Variants in MPRIP observed in about 807,000 individuals in gnomAD.
MPRIP encodes the protein myosin phosphatase Rho interacting protein.
In MPRIP, 59 loss-of-function variants were observed where a neutral mutation model predicts 234.9. The ratio of observed to expected loss-of-function variants is 0.25; its 90% confidence interval spans 0.20 to 0.31. The LOEUF is 0.31. Ranked by LOEUF, MPRIP falls within the 10% of genes least tolerant of loss-of-function variation. The probability of loss-of-function intolerance (pLI) is 1.00; values close to 1 mark genes in which losing one functional copy is unlikely to be tolerated. For missense variants in MPRIP, 2,436 were observed against 3,071.0 expected, an observed-to-expected ratio of 0.79 and a Z score of 4.89; for synonymous variants, 1,144 against 1,263.9, an observed-to-expected ratio of 0.91 and a Z score of 2.01.
At chr17:17,177,541 TG>T (rs2046282933) in intron 22 of MPRIP, 129 bp downstream of exon 22, 1 of 1,021,728 alleles carries the variant, frequency 9.8e-7, no homozygotes, top group East Asian at 2.6e-5. Flanking sequence ...GGCATCCCAG[TG>T]GAGCAGGAGC....
intron 12 of MPRIP, among the ~76,000 whole-genome samples, chr17:17,153,578 TACCTTGCACAAGC>T (rs1204954725): frequency 6.6e-6 from 1 of 151,394 alleles, no homozygotes; most frequent in Non-Finnish European, 1.5e-5. Flanking sequence ...CCTCCCCTGC[TACCTTGCACAAGC>T]ACCGAGGACA....
At chr17:17,044,562 A>G (rs1597703173) in intron 1 of MPRIP, among the ~76,000 whole-genome samples, 1 of 152,336 alleles carries the variant, frequency 6.6e-6, no homozygotes, top group East Asian at 1.9e-4. Context: ...AAACCAAAAA[A>G]ACCTGCCACT....
intron 7 of MPRIP, 135 bp from the exon 8 acceptor site, chr17:17,142,492 G>C: frequency 9.7e-7 from 1 of 1,034,892 alleles, no homozygotes; most frequent in Non-Finnish European, 1.4e-6. Flanking sequence ...CTGAGCACGT[G>C]TCTAGACAAC....
intron 3 of MPRIP, among the ~76,000 whole-genome samples, chr17:17,106,946 C>T (rs1048451532): frequency 6.6e-6 from 1 of 152,174 alleles, no homozygotes; most frequent in Non-Finnish European, 1.5e-5. Flanking sequence ...CAGATGCTGG[C>T]CTTCCTGGAA....
chr17:17,134,413 G>T (rs1158924942), intron 5 of MPRIP, among the ~76,000 whole-genome samples: 4 of 152,218 alleles, frequency 2.6e-5, no homozygotes. Flanking sequence ...TGCAGGGACA[G>T]GTCGTCCTGG....
rs972959553 is a variant in MPRIP at position 17,186,551 on chromosome 17, T to C, written c.*1657T>C. On this transcript the variant is annotated 3_prime_UTR_variant, in exon 24 of 24. Transcript: ENST00000651222. ...TTGTTAACAGCAAGAGAAAATTGGG[T>C]TTGTTTAAAAATCTACTTCTCTGAG... 1 of 152,054 alleles carries C rather than the reference T, an allele frequency of 6.6e-6. No individual in the cohort carries two copies. The highest frequency in any genetic ancestry group is 1.5e-5 in the Non-Finnish European group (1 of 68,022). 9.4% of individuals were successfully genotyped at this position (152,054 alleles called of 1,614,324 possible).
rs1021907313 is a variant in MPRIP at position 17,042,785 on chromosome 17, C to T, written c.-64C>T. On this transcript the variant is annotated 5_prime_UTR_variant, in exon 1 of 24. Coordinates refer to ENST00000651222, the MANE Select transcript of MPRIP (RefSeq NM_001364716.4). ...GCGGCCGCGCTGAGCCCCTAGCCCG[C>T]CGGGAGCGCCAGGCCGGCCAGGCCT... 2,251 of 1,024,966 alleles carry T rather than the reference C, an allele frequency of 2.2e-3. 36 individuals are homozygous for T. In the African/African-American group the frequency reaches 0.035, roughly 16 times the overall value. 63.5% of individuals were successfully genotyped at this position (1,024,966 alleles called of 1,614,324 possible).
At chr17:17,044,434 CTT>C (rs1042961901) in intron 1 of MPRIP, among the ~76,000 whole-genome samples, 4 of 152,202 alleles carry the variant, frequency 2.6e-5, no homozygotes, top group African/African-American at 7.2e-5. Flanking sequence ...ACTTCTGTAT[CTT>C]TTAATTTCCT....
At chr17:17,127,281 T>C in intron 4 of MPRIP, among the ~76,000 whole-genome samples, 1 of 152,192 alleles carries the variant, frequency 6.6e-6, no homozygotes, top group Non-Finnish European at 1.5e-5. Flanking sequence ...TCCACGTGTG[T>C]CTCTGTCAGT....
chr17:17,166,872 T>C lies in MPRIP; in HGVS notation c.5281T>C (p.Ser1761Pro). The C allele has an allele frequency of 7.7e-7, 1 of 1,304,144 alleles. No individual in the cohort carries two copies. Among genetic ancestry groups the C allele is most frequent in the South Asian group, 1.2e-5 (1 of 81,030 alleles). The allele number at this position is 1,304,144 out of a possible 1,614,324, so 80.8% of individuals were successfully genotyped here. A position where few individuals can be genotyped will look rare whatever the true frequency, so the allele number is the denominator to read the frequency against. ...AGTCCTGGGCCGAGACTCAGACAGCTCTCAGGAGCCCTTCGATGTGTCTGA... is the reference window on the plus strand; with the variant it reads ...AGTCCTGGGCCGAGACTCAGACAGCCCTCAGGAGCCCTTCGATGTGTCTGA... ...GEVLGRDSDS[S>P]QEPFDVSDQS... is the part of the protein sequence containing the mutation. Residue 1761 changes from serine (S) to proline (P), a missense_variant, in exon 16 of 24, where the codon TCT becomes CCT. Physicochemically the swap from Ser to Pro is moderately conservative, Grantham distance 74. Around this residue, in one of 4 missense-constraint regions of MPRIP, gnomAD observed 1,998 missense variants for 2,520.3 expected, o/e 0.79. Transcript: ENST00000651222. This position sits in a 1 kb window ranked among gnomAD's most constrained non-coding sequence, Gnocchi z 4.4.
At chr17:17,181,329 T>C (rs1281661557) in intron 23 of MPRIP, among the ~76,000 whole-genome samples, 1 of 152,146 alleles carries the variant, frequency 6.6e-6, no homozygotes, top group Non-Finnish European at 1.5e-5. Context: ...CTTGATCTCG[T>C]TCATCCCGGA....
At chr17:17,149,721 AAATG>A (rs1437748595) in intron 11 of MPRIP, 1 of 108,888 alleles carries the variant, frequency 9.2e-6, no homozygotes, top group Non-Finnish European at 2.2e-5. Flanking sequence ...ATATATATTT[AAATG>A]TATAAAATAT....
intron 18 of MPRIP, 38 bp from the exon 19 acceptor site, chr17:17,173,878 A>G (rs766802070): frequency 2.5e-6 from 4 of 1,612,754 alleles, no homozygotes; most frequent in Non-Finnish European, 3.4e-6. Context: ...GGCCTTGTCC[A>G]GAAGCAGGCA....
intron 1 of MPRIP, among the ~76,000 whole-genome samples, chr17:17,066,059 T>C (rs529840258): frequency 1.3e-5 from 2 of 152,368 alleles, no homozygotes; most frequent in East Asian, 3.9e-4. Flanking sequence ...TCTGGGATTT[T>C]CTATACAGAC....
At position 17,142,602 on chromosome 17, in the gene MPRIP, CAG is replaced by C. The variant is rs749907661; in HGVS notation, c.1251-24_1251-23del. 16 of 1,609,326 alleles carry C rather than the reference CAG, an allele frequency of 9.9e-6. No homozygotes were observed. The East Asian group carries it at 3.3e-4, about 34-fold the overall frequency. The stretch of plus-strand genomic sequence containing the variant: ...CTCACAGCTCACCTCACTGCCACCT[CAG>C]GGCCTCGTGTCCTCTCTTGCAGGAG... On this transcript the variant is annotated intron_variant, in intron 7 of 23. Transcript: ENST00000651222.
intron 1 of MPRIP, among the ~76,000 whole-genome samples, chr17:17,045,406 G>C (rs938178314): frequency 1.3e-5 from 2 of 152,170 alleles, no homozygotes; most frequent in Admixed American, 6.5e-5. Context: ...ATCAGACCTG[G>C]AAGGGACTTG....
At chr17:17,058,688 C>T (rs1474772979) in intron 1 of MPRIP, among the ~76,000 whole-genome samples, 2 of 152,220 alleles carry the variant, frequency 1.3e-5, no homozygotes, top group African/African-American at 4.8e-5. Flanking sequence ...TCCTGTCTGC[C>T]TGTGCCTTGG....
At chr17:17,103,506 G>A (rs781034797) in intron 3 of MPRIP, among the ~76,000 whole-genome samples, 104 of 152,288 alleles carry the variant, frequency 6.8e-4, no homozygotes, top group Middle Eastern at 3.4e-3. Context: ...CTCTTTTTAC[G>A]TGGAAAGAGC....
chr17:17,173,454 G>A (rs1394270411), intron 18 of MPRIP, among the ~76,000 whole-genome samples: 1 of 152,200 alleles, frequency 6.6e-6, no homozygotes, highest in Non-Finnish European at 1.5e-5. Context: ...TGGCCCACCT[G>A]GAAGCCCCTC....
Sources: gnomAD v4.1 joint callset for allele counts (sites outside exome capture counted in the v4.1 genomes callset) on GRCh38, gnomAD v4.1.1 for gene constraint, gnomAD v4.1.1 regional missense constraint, Gnocchi (gnomAD v3.1) non-coding constraint, MANE v1.5 for transcripts, NCBI Gene and HGNC (gene_info 2026-07-23, HGNC 2026-07-21) for gene names.